The following STK11 variants were observed in gnomAD, a reference collection of about 807,000 sequenced individuals.
The protein encoded by STK11 is serine/threonine-protein kinase STK11.
In STK11, 8 loss-of-function variants were observed where a neutral mutation model predicts 47.3. The observed-to-expected ratio is 0.17, with a 90% CI of 0.10 to 0.31. STK11 has a LOEUF of 0.31. STK11 is among the 10% of genes least tolerant of loss of function. The pLI, the probability that STK11 is intolerant of heterozygous loss-of-function variation, is 1.00. For missense variants in STK11, 475 were observed against 605.0 expected (o/e 0.79, Z 2.25); for synonymous variants, 330 against 255.8 (o/e 1.29, Z -2.77).
At chr19:1,210,877 C>G (rs1479778808) in intron 1 of STK11, among the ~76,000 whole-genome samples, 2 of 141,396 alleles carry the variant, frequency 1.4e-5, no homozygotes, top group Non-Finnish European at 3.1e-5. Context: ...AAAAAAAGGG[C>G]TGGGGCCGGG....
At chr19:1,225,772 C>G (rs1162036102) in intron 8 of STK11, 1 of 985,446 alleles carries the variant, frequency 1.0e-6, no homozygotes, top group African/African-American at 1.7e-5. Flanking sequence ...CCAGTGTGTT[C>G]GCGGAGTCCT....
chr19:1,216,760 T>TG (rs1215739426), intron 1 of STK11, among the ~76,000 whole-genome samples: 1 of 150,328 alleles, frequency 6.7e-6, no homozygotes, highest in Non-Finnish European at 1.5e-5. Flanking sequence ...CCCAGCTACT[T>TG]GCGGGGCTGA....
rs376069854 is a variant in STK11 at position 1,223,171 on chromosome 19, C to T, written c.1107C>T (p.Pro369=). 30 of 1,610,202 alleles carry T rather than the reference C, an allele frequency of 1.9e-5. No homozygotes were observed. Among genetic ancestry groups the T allele is most frequent in the Non-Finnish European group, 2.5e-5 (29 of 1,179,084 alleles). ...DIIYTQDFTV[P]GQVPEEEASH... ...TCTACACTCAGGACTTCACGGTGCCCGGTGAGTCTGGCGGGGGCCCCTGCC... is the reference window on the plus strand; with the variant it reads ...TCTACACTCAGGACTTCACGGTGCCTGGTGAGTCTGGCGGGGGCCCCTGCC... The change falls in exon 8 of 10, where the codon CCC becomes CCT. Residue 369 remains proline, a splice_region_variant and synonymous_variant. Transcript: ENST00000326873.
In STK11 at chr19:1,206,282, C is replaced by T. The variant is rs2080664085; in HGVS notation, c.-632C>T. On this transcript the variant is annotated 5_prime_UTR_variant, in exon 1 of 10. Transcript: ENST00000326873. ...CGGGAGGCCTCCCGGACGCCCCCAG[C>T]CCCCCGAACGCTCGCCCGGGCCGGC... is the stretch of plus-strand genomic sequence containing the variant. 2 of 219,284 alleles carry T rather than the reference C, an allele frequency of 9.1e-6. No individual in the cohort carries two copies. The highest frequency in any genetic ancestry group is 2.2e-5 in the African/African-American group (1 of 44,528). The allele number at this position is 219,284 out of a possible 1,614,324, so 13.6% of individuals were successfully genotyped here. A position where few individuals can be genotyped will look rare whatever the true frequency, so the allele number is the denominator to read the frequency against.
At chr19:1,215,151 G>A (rs767535220) in intron 1 of STK11, among the ~76,000 whole-genome samples, 6 of 152,164 alleles carry the variant, frequency 3.9e-5, no homozygotes, top group Non-Finnish European at 8.8e-5. Context: ...GCAGGAAGGC[G>A]CTGGGCCCCG....
Position 1,224,341 on chromosome 19 carries a change from G to T in STK11, c.1108+1169G>T, listed in dbSNP as rs911992526. The T allele has an allele frequency of 4.1e-6, 4 of 985,272 alleles. No homozygotes were observed. The African/African-American group carries it at 7.0e-5, about 17-fold the overall frequency. 61.0% of individuals were successfully genotyped at this position (985,272 alleles called of 1,614,324 possible). ...GCACCACGACCATCGCGTCTGGTCTGTTGGAACGGGAGGTGCTGCTGGGTA... is the reference window on the plus strand; with the variant it reads ...GCACCACGACCATCGCGTCTGGTCTTTTGGAACGGGAGGTGCTGCTGGGTA... On this transcript the variant is annotated intron_variant, in intron 8 of 9. Coordinates refer to ENST00000326873, the MANE Select transcript of STK11 (RefSeq NM_000455.5).
intron 1 of STK11, among the ~76,000 whole-genome samples, chr19:1,211,038 A>G (rs1300656924): frequency 6.6e-6 from 1 of 152,200 alleles, no homozygotes; most frequent in African/African-American, 2.4e-5. Flanking sequence ...GCACATGCCA[A>G]TAATCCCAGC....
At chr19:1,219,444 G>GCAGGGGC (rs1555737876) in intron 3 of STK11, 31 bp downstream of exon 3, 38 of 1,304,794 alleles carry the variant, frequency 2.9e-5, no homozygotes, top group Non-Finnish European at 3.5e-5. Context: ...CCAGGGTGGG[G>GCAGGGGC]CGGGGGCCGG....
chr19:1,214,849 G>A (rs1040719915), intron 1 of STK11, among the ~76,000 whole-genome samples: 1 of 152,210 alleles, frequency 6.6e-6, no homozygotes, highest in Non-Finnish European at 1.5e-5. Flanking sequence ...CTTCCCTGCC[G>A]GTAGCCGGCT....
At chr19:1,216,013 G>A (rs1388099046) in intron 1 of STK11, among the ~76,000 whole-genome samples, 11 of 151,902 alleles carry the variant, frequency 7.2e-5, no homozygotes, top group Admixed American at 7.2e-4. Context: ...GATTACAGGC[G>A]TGAGTCACCG....
At chr19:1,225,336 G>C (rs867460032) in intron 8 of STK11, 10 of 960,068 alleles carry the variant, frequency 1.0e-5, no homozygotes, top group Non-Finnish European at 1.2e-5. Context: ...GCTGTGGTGC[G>C]ATCTCGGCTC....
In STK11 at chr19:1,227,604, G is replaced by C; in HGVS notation, c.*28G>C. On this transcript the variant is annotated 3_prime_UTR_variant, in exon 10 of 10. Coordinates refer to ENST00000326873, the MANE Select transcript of STK11 (RefSeq NM_000455.5). Reference sequence around the variant, plus strand: ...CTTCCACCCTGCAGCCCGTGTCCAGGAGCCCCGCCAGGTGCCCGCGCCAGG... The same window carrying C: ...CTTCCACCCTGCAGCCCGTGTCCAGCAGCCCCGCCAGGTGCCCGCGCCAGG... 9.4e-7 allele frequency: 1 copy of C among 1,064,882 alleles called. No individual in the cohort carries two copies. 66.0% of individuals were successfully genotyped at this position (1,064,882 alleles called of 1,614,324 possible). A position where few individuals can be genotyped will look rare whatever the true frequency, so the allele number is the denominator to read the frequency against.
chr19:1,210,284 A>G (rs567027729), intron 1 of STK11, among the ~76,000 whole-genome samples: 1 of 152,314 alleles, frequency 6.6e-6, no homozygotes, highest in East Asian at 1.9e-4. Context: ...CCAGCGCTGC[A>G]GGGAAAAAGC....
rs886054213 is a variant in STK11 at position 1,206,808 on chromosome 19, C to A, written c.-106C>A. The A allele has an allele frequency of 7.9e-6, 10 of 1,263,560 alleles. No individual in the cohort carries two copies. The highest frequency in any genetic ancestry group is 1.9e-5 in the South Asian group (1 of 53,376). 78.3% of individuals were successfully genotyped at this position (1,263,560 alleles called of 1,614,324 possible). A position where few individuals can be genotyped will look rare whatever the true frequency, so the allele number is the denominator to read the frequency against. On this transcript the variant is annotated 5_prime_UTR_variant, in exon 1 of 10. Transcript: ENST00000326873. ...GGGGTTTTTGTTGCCTTTTTTTTTT[C>A]TTTTTTCTTTGTAAAATTTTGGAGA...
intron 1 of STK11, 147 bp from the exon 2 acceptor site, chr19:1,218,270 C>G: frequency 1.4e-6 from 1 of 711,842 alleles, no homozygotes; most frequent in South Asian, 1.7e-5. Flanking sequence ...AGGGCCCTTT[C>G]CCACAGCACT....
chr19:1,219,536 GT>G lies in STK11; in HGVS notation c.464+130del, dbSNP rs541794357. 7.6e-4 allele frequency: 724 copies of G among 958,004 alleles called. 5 individuals are homozygous for G. The East Asian group carries it at 0.017, about 23-fold the overall frequency. The allele number at this position is 958,004 out of a possible 1,614,324, so 59.3% of individuals were successfully genotyped here. Reference sequence around the variant, plus strand: ...TTGACATGAAGGCCCAAGTTTTTTTGTTTTTTTGTTTTTTTGTGTTTTTTTT... The same window carrying G: ...TTGACATGAAGGCCCAAGTTTTTTTGTTTTTTGTTTTTTTGTGTTTTTTTT... On this transcript the variant is annotated intron_variant, in intron 3 of 9. Transcript: ENST00000326873.
rs2080775231 is a variant in STK11 at position 1,220,521 on chromosome 19, G to T, written c.597+16G>T. The T allele has an allele frequency of 1.3e-6, 2 of 1,590,784 alleles. No individual in the cohort carries two copies. The highest frequency in any genetic ancestry group is 1.3e-5 in the African/African-American group (1 of 74,476). ...CGTGGCCGAGGTAGGCACGTGCTAG[G>T]GGGGGCCCTGGGGCGCCCCCTCCCG... On this transcript the variant is annotated intron_variant, in intron 4 of 9. Coordinates refer to ENST00000326873, the MANE Select transcript of STK11 (RefSeq NM_000455.5).
intron 1 of STK11, among the ~76,000 whole-genome samples, chr19:1,213,917 C>G (rs377162633): frequency 1.0e-3 from 152 of 152,370 alleles, no homozygotes; most frequent in African/African-American, 3.4e-3. Context: ...CCTGTATGAT[C>G]TGTTTCTAGG....
chr19:1,219,514 A>ACTT, intron 3 of STK11, 101 bp downstream of exon 3: 1 of 1,282,932 alleles, frequency 7.8e-7, no homozygotes, highest in South Asian at 1.4e-5. Flanking sequence ...ATATTCATTG[A>ACTT]CATGAAGGCC....
Sources: gnomAD v4.1 joint callset for allele counts (sites outside exome capture counted in the v4.1 genomes callset) on GRCh38, gnomAD v4.1.1 for gene constraint, MANE v1.5 for transcripts, NCBI Gene and HGNC (gene_info 2026-07-23, HGNC 2026-07-21) for gene names.